Variants in DCHS2 observed in about 807,000 individuals in gnomAD.
The protein encoded by DCHS2 is dachsous cadherin-related 2.
DCHS2 carries 142 observed loss-of-function variants against 182.4 expected under a neutral mutation model. The ratio of observed to expected loss-of-function variants is 0.78; its 90% CI spans 0.68 to 0.89. The LOEUF (loss-of-function observed/expected upper bound fraction) is 0.89, where lower values mean the gene tolerates loss of function less well. Ranked by LOEUF, DCHS2 falls within the 40% of genes least tolerant of loss-of-function variation. The pLI is 0.00. For synonymous variants in DCHS2, 1,740 were observed against 1,663.3 expected, an observed-to-expected ratio of 1.05 and a Z score of -1.12; for missense variants, 4,319 against 4,198.6, an observed-to-expected ratio of 1.03 and a Z score of -0.79.
intron 9 of DCHS2, among the ~76,000 whole-genome samples, chr4:154,318,051 A>G (rs929987132): frequency 7.9e-5 from 12 of 152,246 alleles, no homozygotes; most frequent in African/African-American, 2.9e-4. Context: ...TATTGGTACC[A>G]TATCCTACCC....
Position 154,234,570 on chromosome 4 carries a change from T to C in DCHS2, c.10082A>G (p.His3361Arg), listed in dbSNP as rs779610498. 1.9e-6 allele frequency: 3 copies of C among 1,613,214 alleles called. No homozygotes were observed. The highest frequency in any genetic ancestry group is 2.7e-5 in the African/African-American group (2 of 74,912). ...LLGTHISGTC[H>R]ELKAEDEVQI is the part of the protein sequence containing the mutation. Reference sequence around the variant, plus strand: ...AACTTCATCTTCTGCTTTAAGTTCATGGCATGTACCACTGATGTGTGTTCC... The same window carrying C: ...AACTTCATCTTCTGCTTTAAGTTCACGGCATGTACCACTGATGTGTGTTCC... The change falls in exon 20 of 20, where the codon CAT (histidine) becomes CGT (arginine). Residue 3361 changes from histidine to arginine, a missense_variant. His to Arg is a conservative substitution (Grantham distance 29). Transcript: ENST00000357232.
intron 1 of DCHS2, among the ~76,000 whole-genome samples, chr4:154,445,863 C>T (rs1046360932): frequency 6.6e-6 from 1 of 150,846 alleles, no homozygotes. Context: ...CCCTTCTGGT[C>T]GAGCCACCAA....
intron 1 of DCHS2, among the ~76,000 whole-genome samples, chr4:154,389,933 C>A (rs1731609879): frequency 6.6e-6 from 1 of 152,030 alleles, no homozygotes; most frequent in Non-Finnish European, 1.5e-5. Flanking sequence ...GTAAGATACT[C>A]ATCTTTAAGA....
intron 14 of DCHS2, 37 bp from the exon 15 acceptor site, chr4:154,259,793 T>A: frequency 1.3e-6 from 2 of 1,550,462 alleles, no homozygotes; most frequent in South Asian, 2.5e-5. Flanking sequence ...AAGAAAATGA[T>A]GTTGTAGTTA....
At chr4:154,383,994 T>G (rs1731286437) in intron 1 of DCHS2, among the ~76,000 whole-genome samples, 1 of 152,086 alleles carries the variant, frequency 6.6e-6, no homozygotes, top group Non-Finnish European at 1.5e-5. Context: ...TTTAACAATT[T>G]GTTTGAAGAA....
Position 154,485,495 on chromosome 4 carries a change from T to C in DCHS2, c.2052+3809A>G, listed in dbSNP as rs577650210. 2.6e-5 allele frequency among the ~76,000 whole-genome samples: 4 copies of C among 152,322 alleles called. No homozygotes were observed. In the East Asian group the frequency reaches 7.7e-4, roughly 29 times the overall value. ...GTGGGAGTCAGGCACATGTCATTCA[T>C]TCACAAGGACTGACGGAGAAGGGAA... On this transcript the variant is annotated intron_variant, in intron 1 of 19. Coordinates refer to ENST00000357232, the MANE Select transcript of DCHS2 (RefSeq NM_001358235.2).
At chr4:154,463,339 T>C (rs1158378917) in intron 1 of DCHS2, among the ~76,000 whole-genome samples, 1 of 151,956 alleles carries the variant, frequency 6.6e-6, no homozygotes, top group East Asian at 1.9e-4. Context: ...TTTCCCCCAA[T>C]ATAAGGCCTT....
chr4:154,467,481 G>A (rs544037626), intron 1 of DCHS2, among the ~76,000 whole-genome samples: 1 of 152,134 alleles, frequency 6.6e-6, no homozygotes, highest in South Asian at 2.1e-4. Flanking sequence ...ATTTAAACAT[G>A]GAAGCCTATC....
Position 154,320,845 on chromosome 4 carries a change from A to C in DCHS2, c.4554T>G (p.Ser1518Arg). The C allele has an allele frequency of 1.2e-6, 2 of 1,614,124 alleles. No homozygotes were observed. The highest frequency in any genetic ancestry group is 1.7e-6 in the Non-Finnish European group (2 of 1,180,000). ...TTCCTATGGGAACATTCTCCTCTAC[A>C]CTGATCACAATGAGCTCATCCTGGA... is the stretch of plus-strand genomic sequence containing the variant. ...PSFQDELIVI[S>R]VEENVPIGTL... Residue 1518 changes from serine (S) to arginine (R), a missense_variant, in exon 9 of 20, where the codon AGT becomes AGG. By Grantham distance (110) the Ser-to-Arg change is moderately radical (BLOSUM62 -1). Coordinates refer to ENST00000357232, the MANE Select transcript of DCHS2 (RefSeq NM_001358235.2).
chr4:154,443,661 C>T (rs565122622), intron 1 of DCHS2, among the ~76,000 whole-genome samples: 1 of 152,342 alleles, frequency 6.6e-6, no homozygotes, highest in Admixed American at 6.5e-5. Context: ...GGACTCTGCA[C>T]CTGCAATTAT....
At chr4:154,239,024 T>G (rs1046221075) in intron 19 of DCHS2, 146 bp downstream of exon 19, 4 of 1,089,260 alleles carry the variant, frequency 3.7e-6, no homozygotes, top group Non-Finnish European at 5.0e-6. Context: ...GCACTTCATG[T>G]GAAGAGTAAT....
chr4:154,439,856 C>T (rs146105590), intron 1 of DCHS2, among the ~76,000 whole-genome samples: 2,084 of 152,200 alleles, frequency 0.014, 24 homozygotes, highest in Non-Finnish European at 0.021. Context: ...TAATGCTCTA[C>T]GAAAATAGCT....
intron 1 of DCHS2, among the ~76,000 whole-genome samples, chr4:154,427,427 A>T (rs137939535): frequency 6.6e-6 from 1 of 152,174 alleles, no homozygotes; most frequent in Admixed American, 6.5e-5. Flanking sequence ...TCTGTACCAC[A>T]CTTCTCTTTT....
intron 16 of DCHS2, 112 bp downstream of exon 16, chr4:154,255,407 G>T: frequency 1.4e-6 from 2 of 1,382,918 alleles, no homozygotes; most frequent in Non-Finnish European, 9.5e-7. Flanking sequence ...GGATCAAAGG[G>T]ATAACACATT....
chr4:154,444,002 T>C (rs1734148889), intron 1 of DCHS2, among the ~76,000 whole-genome samples: 1 of 152,154 alleles, frequency 6.6e-6, no homozygotes, highest in Admixed American at 6.5e-5. Context: ...GCTTCCAGGA[T>C]CCAGTGTTCT....
chr4:154,274,196 G>A (rs1733728063), intron 13 of DCHS2, among the ~76,000 whole-genome samples: 1 of 152,154 alleles, frequency 6.6e-6, no homozygotes, highest in African/African-American at 2.4e-5. Flanking sequence ...CTTTTCAAGA[G>A]AAGCTCAAAA....
intron 1 of DCHS2, among the ~76,000 whole-genome samples, chr4:154,416,322 G>A (rs1050317466): frequency 4.6e-5 from 7 of 152,296 alleles, no homozygotes; most frequent in African/African-American, 1.7e-4. Flanking sequence ...CCTGCCAGAG[G>A]GACGCAGTTG....
chr4:154,488,856 A>G (rs1196882866), intron 1 of DCHS2, among the ~76,000 whole-genome samples: 1 of 151,960 alleles, frequency 6.6e-6, no homozygotes, highest in African/African-American at 2.4e-5. Context: ...TGGGCAACAG[A>G]GTGACACTCT....
chr4:154,241,195 G>C (rs1731809012), intron 17 of DCHS2, among the ~76,000 whole-genome samples: 1 of 152,028 alleles, frequency 6.6e-6, no homozygotes, highest in Non-Finnish European at 1.5e-5. Context: ...TGGGATGAAA[G>C]GTATTACTCA....
Sources: allele counts gnomAD v4.1 joint callset (sites outside exome capture counted in the v4.1 genomes callset), GRCh38; gene constraint gnomAD v4.1.1; transcripts MANE v1.5; gene names NCBI Gene and HGNC (gene_info 2026-07-23, HGNC 2026-07-21).